MPP2: variants seen among roughly 807,000 people sequenced by gnomAD.
The protein encoded by MPP2 is MAGUK p55 subfamily member 2.
In MPP2, 42 loss-of-function variants were observed where a neutral mutation model predicts 58.5. The ratio of observed to expected loss-of-function variants is 0.72; its 90% CI spans 0.56 to 0.93. MPP2 has a LOEUF of 0.93. Ranked by LOEUF, MPP2 falls within the 40% of genes least tolerant of loss-of-function variation. The pLI is 0.00. For missense variants in MPP2, 632 were observed against 760.4 expected (o/e 0.83, Z 1.99); for synonymous variants, 300 against 307.8 (o/e 0.97, Z 0.26).
At chr17:43,894,110 TAAA>T (rs772282324) in intron 3 of MPP2, among the ~76,000 whole-genome samples, 2 of 126,196 alleles carry the variant, frequency 1.6e-5, no homozygotes, top group Admixed American at 1.6e-4. Context: ...CTGTCTCTAC[TAAA>T]AAAAAAAAAA....
At chr17:43,887,394 T>A (rs2047414926) in intron 3 of MPP2, among the ~76,000 whole-genome samples, 2 of 152,010 alleles carry the variant, frequency 1.3e-5, no homozygotes, top group African/African-American at 2.4e-5. Context: ...AAAAAACAAA[T>A]TTTTTAATGT....
In MPP2 at chr17:43,882,476, C is replaced by T. The variant is rs1356043139; in HGVS notation, c.489G>A (p.Val163=). 5 of 1,606,174 alleles carry T rather than the reference C, an allele frequency of 3.1e-6. No individual in the cohort carries two copies. In the African/African-American group the frequency reaches 4.0e-5, roughly 13 times the overall value. Residue 163 remains valine (V), a synonymous_variant, in exon 6 of 13, where the codon GTG becomes GTA. Transcript: ENST00000269095. Reference sequence around the variant, plus strand: ...TGCCCCCATGCAGAATGCGCGCGATCACCAGCTCGCCGCCCTCCACGCGGA... The same window carrying T: ...TGCCCCCATGCAGAATGCGCGCGATTACCAGCTCGCCGCCCTCCACGCGGA... ...VTFRVEGGEL[V]IARILHGGMV...
In MPP2 at chr17:43,879,320, C is replaced by G. The variant is rs756527521; in HGVS notation, c.1437G>C (p.Met479Ile). Residue 479 changes from methionine to isoleucine, a missense_variant, in exon 12 of 13, where the codon ATG becomes ATC. By Grantham distance (10) the Met-to-Ile change is conservative. Coordinates refer to ENST00000269095, the MANE Select transcript of MPP2 (RefSeq NM_005374.5). The surrounding 1 kb of genome is among the most constrained non-coding windows in gnomAD (Gnocchi z 4.1). The stretch of plus-strand genomic sequence containing the variant: ...TTCCACTCTCCAGCGCAGCCCTGTT[C>G]ATGGCCCGCAGGGTCTCGAAGTCTG... ...EAPDFETLRA[M>I]NRAALESGIS... 8 of 1,614,084 alleles carry G rather than the reference C, an allele frequency of 5.0e-6. No individual in the cohort carries two copies. The African/African-American group carries it at 1.1e-4, about 22-fold the overall frequency.
chr17:43,908,158 A>G (rs928733622), upstream of MPP2, among the ~76,000 whole-genome samples: 1 of 152,222 alleles, frequency 6.6e-6, no homozygotes, highest in Non-Finnish European at 1.5e-5. Flanking sequence ...CCTATGGAAT[A>G]AAGAAGTAAC....
At chr17:43,884,986 G>A (rs1469653940) in intron 3 of MPP2, among the ~76,000 whole-genome samples, 1 of 152,170 alleles carries the variant, frequency 6.6e-6, no homozygotes, top group East Asian at 1.9e-4. Flanking sequence ...GCCTAGCATA[G>A]TGGTGGGCGC....
intron 3 of MPP2, among the ~76,000 whole-genome samples, chr17:43,887,355 G>A (rs1056696771): frequency 1.4e-4 from 21 of 152,120 alleles, no homozygotes; most frequent in African/African-American, 5.1e-4. Flanking sequence ...CTGCACTCCA[G>A]CCTGAGTGAC....
At position 43,875,470 on chromosome 17, in the gene MPP2, G is replaced by C. The variant is rs914340155; in HGVS notation, c.*2337C>G. 2 of 152,390 alleles carry C rather than the reference G, an allele frequency of 1.3e-5. No individual in the cohort carries two copies. The highest frequency in any genetic ancestry group is 4.8e-5 in the African/African-American group (2 of 41,456). The allele number at this position is 152,390 out of a possible 1,614,324, so 9.4% of individuals were successfully genotyped here. A position where few individuals can be genotyped will look rare whatever the true frequency, so the allele number is the denominator to read the frequency against. On this transcript the variant is annotated 3_prime_UTR_variant, in exon 13 of 13. Coordinates refer to ENST00000269095, the MANE Select transcript of MPP2 (RefSeq NM_005374.5). ...GAGGAAGCGCACTGGGGCTGGGACTGAATATGGACAGTGGATGGTAGGGTC... is the reference window on the plus strand; with the variant it reads ...GAGGAAGCGCACTGGGGCTGGGACTCAATATGGACAGTGGATGGTAGGGTC...
chr17:43,879,536 G>T lies in MPP2; in HGVS notation c.1354-133C>A. On this transcript the variant is annotated intron_variant, in intron 11 of 12. Transcript: ENST00000269095. The surrounding 1 kb of genome is among the most constrained non-coding windows in gnomAD (Gnocchi z 4.1). Reference sequence around the variant, plus strand: ...GAGAAAAGGGTGCCCGGGGGTCTGGGACATGAGTCCTGGGACAAATGACAA... The same window carrying T: ...GAGAAAAGGGTGCCCGGGGGTCTGGTACATGAGTCCTGGGACAAATGACAA... 1 of 1,180,398 alleles carries T rather than the reference G, an allele frequency of 8.5e-7. No individual in the cohort carries two copies. The highest frequency in any genetic ancestry group is 1.2e-6 in the Non-Finnish European group (1 of 821,428). 73.1% of individuals were successfully genotyped at this position (1,180,398 alleles called of 1,614,324 possible).
intron 6 of MPP2, among the ~76,000 whole-genome samples, chr17:43,881,989 C>A (rs887863085): frequency 6.6e-6 from 1 of 152,250 alleles, no homozygotes; most frequent in Non-Finnish European, 1.5e-5. Flanking sequence ...GACAACCCCA[C>A]CCTGCGCACG....
chr17:43,903,519 T>G (rs1300787895), intron 2 of MPP2, among the ~76,000 whole-genome samples: 1 of 151,070 alleles, frequency 6.6e-6, no homozygotes, highest in Non-Finnish European at 1.5e-5. Flanking sequence ...CATTTTTGTC[T>G]TTACGAAAAA....
At position 43,879,946 on chromosome 17, in the gene MPP2, G is replaced by A. The variant is rs2047031595; in HGVS notation, c.1189C>T (p.Gln397Ter). The change falls in exon 11 of 13, where the codon CAG becomes TAG. Residue 397 changes from glutamine to a stop codon, truncating the protein, a stop_gained. Coordinates refer to ENST00000269095, the MANE Select transcript of MPP2 (RefSeq NM_005374.5). LOFTEE classifies it high-confidence loss of function. This position sits in a 1 kb window ranked among gnomAD's most constrained non-coding sequence, Gnocchi z 4.1. ...CCACGGGACACAAAGCTGTAACCCT[G>A]ACCTTCCCGCTCTGAGTCTTTCGGC... The part of the protein sequence containing the change: ...RRPKDSEREG[Q>*]GYSFVSRGEM... The A allele has an allele frequency of 6.2e-7, 1 of 1,613,968 alleles. No homozygotes were observed. The highest frequency in any genetic ancestry group is 8.5e-7 in the Non-Finnish European group (1 of 1,180,004).
intron 2 of MPP2, among the ~76,000 whole-genome samples, chr17:43,899,821 C>T (rs1442911315): frequency 2.0e-5 from 3 of 151,956 alleles, no homozygotes; most frequent in Non-Finnish European, 4.4e-5. Context: ...CACTCACTGA[C>T]AGAGGTGGGA....
intron 3 of MPP2, among the ~76,000 whole-genome samples, chr17:43,886,348 G>A (rs568242198): frequency 5.9e-5 from 9 of 151,456 alleles, no homozygotes; most frequent in South Asian, 2.1e-4. Flanking sequence ...GCAGTGGCGC[G>A]ATCTCAGCTC....
rs2046810577 is a variant in MPP2, at chr17:43,875,930, A to G, written c.*1877T>C. Reference sequence around the variant, plus strand: ...GCAAGTGACCCTATAGCCTCAGGTCAGCAAGAAAACACCCCATTTCCTTCC... The same window carrying G: ...GCAAGTGACCCTATAGCCTCAGGTCGGCAAGAAAACACCCCATTTCCTTCC... On this transcript the variant is annotated 3_prime_UTR_variant, in exon 13 of 13. Transcript: ENST00000269095. The G allele has an allele frequency of 6.6e-6, 1 of 152,242 alleles. No homozygotes were observed. The highest frequency in any genetic ancestry group is 1.5e-5 in the Non-Finnish European group (1 of 68,054). The allele number at this position is 152,242 out of a possible 1,614,324, so 9.4% of individuals were successfully genotyped here. A position where few individuals can be genotyped will look rare whatever the true frequency, so the allele number is the denominator to read the frequency against.
rs1421901132 is a variant in MPP2 at position 43,876,177 on chromosome 17, C to T, written c.*1630G>A. The stretch of plus-strand genomic sequence containing the variant: ...TATTCTAACATTTGTAATAAATATT[C>T]TGTTTATTCTCCTTCCCCTTCCCTA... On this transcript the variant is annotated 3_prime_UTR_variant, in exon 13 of 13. Transcript: ENST00000269095. 1 of 152,578 alleles carries T rather than the reference C, an allele frequency of 6.6e-6. No homozygotes were observed. The highest frequency in any genetic ancestry group is 1.5e-5 in the Non-Finnish European group (1 of 68,030). The allele number at this position is 152,578 out of a possible 1,614,324, so 9.5% of individuals were successfully genotyped here.
In MPP2 at chr17:43,878,881, C is replaced by T. The variant is rs547881324; in HGVS notation, c.1482+394G>A. 7.4e-4 allele frequency among the ~76,000 whole-genome samples: 112 copies of T among 152,338 alleles called. 1 individual carries two copies. The South Asian group carries it at 0.013, about 18-fold the overall frequency. On this transcript the variant is annotated intron_variant, in intron 12 of 12. Coordinates refer to ENST00000269095, the MANE Select transcript of MPP2 (RefSeq NM_005374.5). ...GACTCAGCCCTCCAGCCAGCCTTCC[C>T]GCCTCTGGCTTTCTCCTACCCTTCA...
intron 2 of MPP2, among the ~76,000 whole-genome samples, chr17:43,898,699 G>A (rs927293607): frequency 1.3e-5 from 2 of 152,240 alleles, no homozygotes; most frequent in African/African-American, 4.8e-5. Context: ...GTGTCAGGTT[G>A]CAGATCCTGC....
chr17:43,900,601 C>T, intron 2 of MPP2: 1 of 1,496,068 alleles, frequency 6.7e-7, no homozygotes, highest in Non-Finnish European at 8.9e-7. Context: ...ACGCCGCCGT[C>T]TACCGCCTCC....
intron 3 of MPP2, among the ~76,000 whole-genome samples, chr17:43,895,646 A>C (rs548277579): frequency 6.6e-6 from 1 of 152,238 alleles, no homozygotes; most frequent in South Asian, 2.1e-4. Flanking sequence ...TCTATGTTTG[A>C]AATGTGTATA....
Sources: allele counts gnomAD v4.1 joint callset (sites outside exome capture counted in the v4.1 genomes callset), GRCh38; gene constraint gnomAD v4.1.1; non-coding constraint Gnocchi (gnomAD v3.1); transcripts MANE v1.5; gene names NCBI Gene and HGNC (gene_info 2026-07-23, HGNC 2026-07-21).